UNC79: variants seen among roughly 807,000 people sequenced by gnomAD.
UNC79 encodes the protein unc-79 subunit of NALCN channel complex.
UNC79 carries 37 observed loss-of-function variants against 283.1 expected under a neutral mutation model. The observed-to-expected ratio is 0.13, with a 90% CI of 0.10 to 0.17. The LOEUF (loss-of-function observed/expected upper bound fraction) is 0.17, where lower values mean the gene tolerates loss of function less well. Ranked by LOEUF, UNC79 falls within the 10% of genes least tolerant of loss-of-function variation. UNC79 has a pLI of 1.00. For synonymous variants in UNC79, 1,107 were observed against 1,200.2 expected, an observed-to-expected ratio of 0.92 and a Z score of 1.61; for missense variants, 2,272 against 3,211.1, an observed-to-expected ratio of 0.71 and a Z score of 7.07.
At chr14:93,517,719 C>CT (rs1352105087) in intron 7 of UNC79, among the ~76,000 whole-genome samples, 2 of 151,966 alleles carry the variant, frequency 1.3e-5, no homozygotes, top group Non-Finnish European at 2.9e-5. Flanking sequence ...CATACTGAAT[C>CT]TTTTTCTGAC....
chr14:93,494,805 G>A (rs2058942086), intron 5 of UNC79, among the ~76,000 whole-genome samples: 1 of 152,184 alleles, frequency 6.6e-6, no homozygotes, highest in African/African-American at 2.4e-5. Flanking sequence ...GGCTGACAGA[G>A]GCTTTAAAGT....
chr14:93,582,553 G>A (rs916490265), intron 20 of UNC79, among the ~76,000 whole-genome samples: 2 of 152,122 alleles, frequency 1.3e-5, no homozygotes, highest in Non-Finnish European at 2.9e-5. Context: ...CATCTTTCTG[G>A]CAGCGGGCAC....
At chr14:93,489,004 C>T (rs1387363563) in intron 5 of UNC79, among the ~76,000 whole-genome samples, 1 of 152,196 alleles carries the variant, frequency 6.6e-6, no homozygotes, top group Non-Finnish European at 1.5e-5. Flanking sequence ...TGCAGTGGTG[C>T]AATTATGGCT....
At chr14:93,340,070 T>C (rs2053670881) in intron 1 of UNC79, among the ~76,000 whole-genome samples, 1 of 152,208 alleles carries the variant, frequency 6.6e-6, no homozygotes, top group African/African-American at 2.4e-5. Context: ...TGTCTGACCT[T>C]GTGCTGTTCA....
chr14:93,499,154 A>G (rs1050071936), intron 7 of UNC79, among the ~76,000 whole-genome samples: 1 of 152,222 alleles, frequency 6.6e-6, no homozygotes, highest in African/African-American at 2.4e-5. Flanking sequence ...CATGGTAACA[A>G]TAATAAAAAC....
At chr14:93,643,004 G>A (rs2069215501) in intron 33 of UNC79, among the ~76,000 whole-genome samples, 1 of 152,094 alleles carries the variant, frequency 6.6e-6, no homozygotes, top group African/African-American at 2.4e-5. Flanking sequence ...CGGCAGGCCT[G>A]GTGAGTTCAT....
At chr14:93,696,941 T>C (rs1481438691) in intron 47 of UNC79, among the ~76,000 whole-genome samples, 5 of 152,186 alleles carry the variant, frequency 3.3e-5, no homozygotes, top group Non-Finnish European at 7.4e-5. Flanking sequence ...TTGAGTTAAC[T>C]TTTGTATATG....
chr14:93,658,266 C>T (rs900364939), intron 38 of UNC79, among the ~76,000 whole-genome samples: 5 of 152,184 alleles, frequency 3.3e-5, no homozygotes, highest in African/African-American at 7.2e-5. Context: ...AGATCTCAAA[C>T]GTCAGTGTGC....
At chr14:93,606,624 GA>G (rs2065906168) in intron 26 of UNC79, among the ~76,000 whole-genome samples, 1 of 152,078 alleles carries the variant, frequency 6.6e-6, no homozygotes, top group African/African-American at 2.4e-5. Flanking sequence ...ACCTCTTATT[GA>G]TTAGACTTGA....
chr14:93,591,556 C>T (rs1009579139), intron 22 of UNC79, among the ~76,000 whole-genome samples: 1 of 152,114 alleles, frequency 6.6e-6, no homozygotes, highest in African/African-American at 2.4e-5. Context: ...TTTGCAGTAC[C>T]GTACTGTGTT....
intron 1 of UNC79, among the ~76,000 whole-genome samples, chr14:93,342,743 G>C (rs7144085): frequency 0.074 from 11,198 of 152,216 alleles, 870 homozygotes; most frequent in African/African-American, 0.19. Context: ...GAAAAAGCTA[G>C]GTCACATCTT....
chr14:93,638,809 G>T (rs1319991024), intron 32 of UNC79, among the ~76,000 whole-genome samples: 1 of 152,162 alleles, frequency 6.6e-6, no homozygotes, highest in Non-Finnish European at 1.5e-5. Flanking sequence ...TAACAACGGT[G>T]GCTGAGGTCT....
At chr14:93,694,357 A>G (rs1349578779) in exon 47 of UNC79, 2 of 1,611,404 alleles carry the variant, frequency 1.2e-6, no homozygotes, top group Non-Finnish European at 1.7e-6. Context: ...GTGTGTCTCC[A>G]TGTGATTAGT....
At chr14:93,493,891 A>ATTTT (rs1566998219) in intron 5 of UNC79, among the ~76,000 whole-genome samples, 2 of 64,204 alleles carry the variant, frequency 3.1e-5, no homozygotes, top group Non-Finnish European at 6.4e-5. Context: ...ATATATATAT[A>ATTTT]TATATATATA....
At chr14:93,620,927 G>A (rs1314030525) in intron 29 of UNC79, 1 of 517,692 alleles carries the variant, frequency 1.9e-6, no homozygotes, top group Non-Finnish European at 3.9e-6. Context: ...TGATATTCAT[G>A]ATACACCTAC....
At chr14:93,452,677 T>A (rs2056681718) in intron 1 of UNC79, among the ~76,000 whole-genome samples, 1 of 152,134 alleles carries the variant, frequency 6.6e-6, no homozygotes, top group South Asian at 2.1e-4. Context: ...AATGAGCCAC[T>A]GCACCTGGCC....
chr14:93,707,518 A>G (rs2141128279), downstream of UNC79: 1 of 152,422 alleles, frequency 6.6e-6, no homozygotes, highest in Admixed American at 6.5e-5. Flanking sequence ...CTAGTTTTTC[A>G]ACTCATTAGT....
intron 7 of UNC79, among the ~76,000 whole-genome samples, chr14:93,519,499 A>G (rs1162470132): frequency 1.3e-5 from 2 of 151,870 alleles, no homozygotes; most frequent in South Asian, 2.1e-4. Flanking sequence ...CATTTACATT[A>G]GTAAAATTAT....
intron 32 of UNC79, among the ~76,000 whole-genome samples, chr14:93,637,849 G>A (rs2068653367): frequency 6.6e-6 from 1 of 152,178 alleles, no homozygotes; most frequent in Non-Finnish European, 1.5e-5. Flanking sequence ...AGACATATCA[G>A]TTTTCCATAT....
Sources: allele counts gnomAD v4.1 joint callset (sites outside exome capture counted in the v4.1 genomes callset), GRCh38; gene constraint gnomAD v4.1.1; transcripts MANE v1.5; gene names NCBI Gene and HGNC (gene_info 2026-07-23, HGNC 2026-07-21).